The following EIF4G3 variants were observed in gnomAD, a reference collection of about 807,000 sequenced individuals.
EIF4G3 encodes eukaryotic translation initiation factor 4 gamma 3, also known as eIF-4-gamma 3.
In EIF4G3, 34 loss-of-function variants were observed where a neutral mutation model predicts 186.4. That is an observed-to-expected ratio of 0.18 (90% CI 0.14 to 0.24). The LOEUF (loss-of-function observed/expected upper bound fraction) is 0.24, where lower values mean the gene tolerates loss of function less well. EIF4G3 is among the 10% of genes least tolerant of loss of function. The probability of loss-of-function intolerance (pLI) is 1.00; values close to 1 mark genes in which losing one functional copy is unlikely to be tolerated. For synonymous variants in EIF4G3, 673 were observed against 679.5 expected (o/e 0.99, Z 0.15); for missense variants, 1,536 against 1,948.5 (o/e 0.79, Z 3.99).
In EIF4G3 at chr1:20,981,220, T is replaced by C. The variant is rs745530077; in HGVS notation, c.206A>G (p.Gln69Arg). The C allele has an allele frequency of 4.9e-5, 77 of 1,584,808 alleles. 1 individual carries two copies. Among genetic ancestry groups the C allele is most frequent in the Non-Finnish European group, 6.0e-5 (70 of 1,167,610 alleles). Residue 69 changes from glutamine (Q) to arginine (R), a missense_variant, in exon 9 of 37, where the codon CAG becomes CGG. By Grantham distance (43) the Gln-to-Arg change is conservative (BLOSUM62 1). This residue lies in a region of EIF4G3 where 194 missense variants were observed against 212.8 expected (regional missense o/e 0.91). Coordinates refer to ENST00000602326, the MANE Select transcript of EIF4G3 (RefSeq NM_001391906.1). ...QGGFRPIQFFQRPQIQPPRAT... is the reference protein window; with the variant it reads ...QGGFRPIQFFRRPQIQPPRAT... ...TCTAGGAGGCTGTATTTGAGGCCTC[T>C]GGAAAAACTGGGAAGGGGAGAAAAA... is the stretch of plus-strand genomic sequence containing the variant.
chr1:21,006,156 G>A (rs1002235978), intron 4 of EIF4G3, among the ~76,000 whole-genome samples: 2 of 152,132 alleles, frequency 1.3e-5, no homozygotes, highest in African/African-American at 4.8e-5. Flanking sequence ...ACCTATCATT[G>A]CTGTAAGCAG....
chr1:20,952,915 C>G (rs2096279007), intron 12 of EIF4G3, among the ~76,000 whole-genome samples: 1 of 151,914 alleles, frequency 6.6e-6, no homozygotes, highest in Non-Finnish European at 1.5e-5. Context: ...CTTATCTTCC[C>G]AAAGAAAAAA....
At chr1:20,958,699 A>C (rs1332638041) in intron 12 of EIF4G3, among the ~76,000 whole-genome samples, 2 of 152,208 alleles carry the variant, frequency 1.3e-5, no homozygotes, top group Non-Finnish European at 2.9e-5. Flanking sequence ...AGTTCAGTAA[A>C]GCCTCAGGTT....
chr1:21,041,514 TG>T (rs1335454090), intron 4 of EIF4G3, among the ~76,000 whole-genome samples: 37 of 152,214 alleles, frequency 2.4e-4, no homozygotes, highest in Non-Finnish European at 4.3e-4. Context: ...TAAACAGGCA[TG>T]TGAAAATTTG....
intron 4 of EIF4G3, among the ~76,000 whole-genome samples, chr1:21,050,652 C>A (rs1047585826): frequency 1.3e-5 from 2 of 152,134 alleles, no homozygotes; most frequent in Non-Finnish European, 2.9e-5. Flanking sequence ...CTAAATATCA[C>A]CAACAGTTAA....
At chr1:20,938,641 A>G (rs1047111265) in intron 14 of EIF4G3, among the ~76,000 whole-genome samples, 2 of 152,274 alleles carry the variant, frequency 1.3e-5, no homozygotes, top group African/African-American at 2.4e-5. Context: ...ATAAGTGAAT[A>G]TTATGTGAAT....
intron 14 of EIF4G3, among the ~76,000 whole-genome samples, chr1:20,906,809 G>A (rs2092233933): frequency 8.9e-6 from 1 of 112,818 alleles, no homozygotes; most frequent in Non-Finnish European, 2.0e-5. Context: ...AAAAAAACTG[G>A]ATACACACAC....
At chr1:20,952,881 A>G (rs2096277945) in intron 12 of EIF4G3, among the ~76,000 whole-genome samples, 2 of 152,040 alleles carry the variant, frequency 1.3e-5, no homozygotes, top group South Asian at 4.1e-4. Flanking sequence ...ACAAACAAAC[A>G]AACAGTCTAT....
rs376149720 is a variant in EIF4G3 at position 21,002,667 on chromosome 1, A to C, written c.30+46T>G. The C allele has an allele frequency of 6.9e-6, 11 of 1,597,132 alleles. No homozygotes were observed. In the Admixed American group the frequency reaches 7.1e-5, roughly 10 times the overall value. On this transcript the variant is annotated intron_variant, in intron 5 of 36. Coordinates refer to ENST00000602326, the MANE Select transcript of EIF4G3 (RefSeq NM_001391906.1). ...AGAAACCCAAGCCACTACACACACA[A>C]ACACAGGTAGAGAATGTAATTTGGT...
At chr1:21,108,145 C>T (rs956308801) in intron 2 of EIF4G3, among the ~76,000 whole-genome samples, 2 of 152,184 alleles carry the variant, frequency 1.3e-5, no homozygotes, top group African/African-American at 4.8e-5. Context: ...CTGCACATAG[C>T]AAGGCCCTGT....
intron 20 of EIF4G3, among the ~76,000 whole-genome samples, chr1:20,866,065 G>C (rs2077495817): frequency 2.0e-5 from 3 of 152,246 alleles, no homozygotes; most frequent in Admixed American, 2.0e-4. Context: ...GCACCATTTT[G>C]AACAGCTATT....
At chr1:21,057,290 T>C (rs1201853475) in intron 3 of EIF4G3, among the ~76,000 whole-genome samples, 1 of 152,134 alleles carries the variant, frequency 6.6e-6, no homozygotes, top group Non-Finnish European at 1.5e-5. Flanking sequence ...TGATCAATAA[T>C]GAAATTTTCA....
intron 7 of EIF4G3, among the ~76,000 whole-genome samples, chr1:20,985,301 C>T (rs751104416): frequency 6.6e-6 from 1 of 152,168 alleles, no homozygotes; most frequent in African/African-American, 2.4e-5. Context: ...AATTCTCTAT[C>T]TCCCAAAAAG....
rs2075402346 is a variant in EIF4G3 at position 20,969,587 on chromosome 1, G to A, written c.601C>T (p.Arg201Trp). Residue 201 changes from arginine (R) to tryptophan (W), a missense_variant, in exon 12 of 37, where the codon CGG becomes TGG. Arg to Trp is a moderately radical substitution (Grantham distance 101). This residue lies in a region of EIF4G3 where 8 missense variants were observed against 33.2 expected (regional missense o/e 0.24). Coordinates refer to ENST00000602326, the MANE Select transcript of EIF4G3 (RefSeq NM_001391906.1). ...AKREKKTIRIRDPNQGGKDIT... is the reference protein window; with the variant it reads ...AKREKKTIRIWDPNQGGKDIT... ...TCTTTACCTCCCTGGTTTGGATCCC[G>A]AATTCTTATCTATAAGGTTAAATAA... The A allele has an allele frequency of 6.2e-7, 1 of 1,613,224 alleles. No individual in the cohort carries two copies. The highest frequency in any genetic ancestry group is 8.5e-7 in the Non-Finnish European group (1 of 1,179,562).
At chr1:20,869,774 CAAAAAAAAA>C (rs35907806) in intron 20 of EIF4G3, among the ~76,000 whole-genome samples, 2 of 48,626 alleles carry the variant, frequency 4.1e-5, no homozygotes, top group Non-Finnish European at 8.2e-5. Flanking sequence ...GACTACGTCT[CAAAAAAAAA>C]AAAAAAAAAA....
intron 6 of EIF4G3, among the ~76,000 whole-genome samples, chr1:21,000,678 C>T (rs1293946992): frequency 9.2e-5 from 14 of 151,762 alleles, no homozygotes; most frequent in Admixed American, 9.2e-4. Context: ...CAAGAGTAGT[C>T]TGGGGTCTGC....
rs1253474662 is a variant in EIF4G3 at position 20,891,747 on chromosome 1, G to A, written c.2253+1770C>T. ...AGGGCTTGCAGTGAGTGGAGATCACGCCACTGCGCTCCAGCCTGGGCGACA... is the reference window on the plus strand; with the variant it reads ...AGGGCTTGCAGTGAGTGGAGATCACACCACTGCGCTCCAGCCTGGGCGACA... On this transcript the variant is annotated intron_variant, in intron 18 of 36. Transcript: ENST00000602326. Among the ~76,000 whole-genome samples, 4 of 150,446 alleles carry A rather than the reference G, an allele frequency of 2.7e-5. No homozygotes were observed. The East Asian group carries it at 5.8e-4, about 22-fold the overall frequency.
At chr1:21,073,996 T>A (rs1295374479) in intron 3 of EIF4G3, among the ~76,000 whole-genome samples, 1 of 152,192 alleles carries the variant, frequency 6.6e-6, no homozygotes, top group African/African-American at 2.4e-5. Context: ...ATTTTCATTA[T>A]TTTTTACTTT....
intron 4 of EIF4G3, among the ~76,000 whole-genome samples, chr1:21,013,854 C>T (rs140036582): frequency 3.3e-5 from 5 of 152,200 alleles, no homozygotes; most frequent in African/African-American, 4.8e-5. Context: ...TTTAAGTGCT[C>T]GACTTTGAAC....
Sources: gnomAD v4.1 joint callset for allele counts (sites outside exome capture counted in the v4.1 genomes callset) on GRCh38, gnomAD v4.1.1 for gene constraint, gnomAD v4.1.1 regional missense constraint, MANE v1.5 for transcripts, NCBI Gene and HGNC (gene_info 2026-07-23, HGNC 2026-07-21) for gene names.